Variants in FSTL4 observed in about 807,000 individuals in gnomAD.
FSTL4 encodes follistatin like 4.
A neutral mutation model predicts 78.2 loss-of-function variants in FSTL4; 28 were observed. The observed-to-expected ratio is 0.36, with a 90% CI of 0.27 to 0.49. The LOEUF (loss-of-function observed/expected upper bound fraction) is 0.49, where lower values mean the gene tolerates loss of function less well. FSTL4 is among the 20% of genes least tolerant of loss of function. FSTL4 has a pLI of 0.98. For synonymous variants in FSTL4, 422 were observed against 440.5 expected, an observed-to-expected ratio of 0.96 and a Z score of 0.53; for missense variants, 922 against 1,084.9, an observed-to-expected ratio of 0.85 and a Z score of 2.11.
chr5:133,232,828 G>C (rs993142411), intron 8 of FSTL4, among the ~76,000 whole-genome samples: 2 of 152,228 alleles, frequency 1.3e-5, no homozygotes, highest in African/African-American at 4.8e-5. Flanking sequence ...ACTGTCATCA[G>C]GAGGCAGTGA....
the FSTL4 span, among the ~76,000 whole-genome samples, chr5:133,659,433 T>G: frequency 1.6e-4 from 25 of 152,188 alleles, no homozygotes; most frequent in African/African-American, 5.8e-4. Flanking sequence ...TTCTGGTATA[T>G]CTTTTCCTAT....
intron 3 of FSTL4, among the ~76,000 whole-genome samples, chr5:133,432,189 G>C (rs1756954326): frequency 6.6e-6 from 1 of 152,212 alleles, no homozygotes; most frequent in Admixed American, 6.5e-5. Flanking sequence ...CAGAGGCTCA[G>C]AGAGGTTGTG....
intron 4 of FSTL4, among the ~76,000 whole-genome samples, chr5:133,324,309 C>A (rs987649023): frequency 7.2e-5 from 11 of 152,178 alleles, no homozygotes; most frequent in African/African-American, 2.7e-4. Context: ...CACAGGCTGT[C>A]GGGAGCTCAG....
intron 4 of FSTL4, among the ~76,000 whole-genome samples, chr5:133,348,280 A>G (rs1754743750): frequency 1.3e-5 from 2 of 152,268 alleles, no homozygotes; most frequent in South Asian, 4.1e-4. Flanking sequence ...TTTTCATAGC[A>G]AAGAATAAAG....
intron 3 of FSTL4, among the ~76,000 whole-genome samples, chr5:133,489,161 G>A (rs969053007): frequency 6.6e-6 from 1 of 152,192 alleles, no homozygotes; most frequent in Non-Finnish European, 1.5e-5. Context: ...CTGGACCTCT[G>A]AAGTGATAGG....
At chr5:133,497,060 A>AT in intron 3 of FSTL4, among the ~76,000 whole-genome samples, 1 of 152,286 alleles carries the variant, frequency 6.6e-6, no homozygotes, top group East Asian at 1.9e-4. Context: ...GTGCCGTGCT[A>AT]TAAACATACT....
At chr5:133,796,488 G>A in the FSTL4 span, among the ~76,000 whole-genome samples, 1 of 152,184 alleles carries the variant, frequency 6.6e-6, no homozygotes, top group Non-Finnish European at 1.5e-5. Context: ...ATTGAGTGGT[G>A]GAGGTGGCTC....
At chr5:133,465,724 G>T (rs1031579063) in intron 3 of FSTL4, among the ~76,000 whole-genome samples, 5 of 152,248 alleles carry the variant, frequency 3.3e-5, no homozygotes, top group African/African-American at 7.2e-5. Context: ...GCTGCAGGTG[G>T]GCCTGGGTGA....
intron 6 of FSTL4, among the ~76,000 whole-genome samples, chr5:133,287,421 A>G (rs895337614): frequency 1.3e-5 from 2 of 151,618 alleles, no homozygotes; most frequent in South Asian, 2.1e-4. Context: ...GTAGGTGACT[A>G]TTCTACCGAG....
the FSTL4 span, among the ~76,000 whole-genome samples, chr5:133,819,413 A>T: frequency 2.6e-5 from 4 of 152,156 alleles, no homozygotes; most frequent in Admixed American, 2.0e-4. Flanking sequence ...TCAGTGGCTG[A>T]GAAGCATGGA....
chr5:133,791,670 T>C, the FSTL4 span, among the ~76,000 whole-genome samples: 1 of 152,212 alleles, frequency 6.6e-6, no homozygotes, highest in Non-Finnish European at 1.5e-5. Context: ...ACTGCCCTCG[T>C]CTGTCTACAC....
intron 4 of FSTL4, among the ~76,000 whole-genome samples, chr5:133,348,160 T>C (rs887063476): frequency 1.3e-5 from 2 of 152,248 alleles, no homozygotes; most frequent in Non-Finnish European, 2.9e-5. Context: ...TATCAAACTC[T>C]TGGCTCTTGA....
the FSTL4 span, among the ~76,000 whole-genome samples, chr5:133,764,962 C>T: frequency 1.1e-4 from 16 of 152,344 alleles, no homozygotes; most frequent in African/African-American, 3.1e-4. Flanking sequence ...TCCTCACATA[C>T]GTGGGGTAAC....
chr5:133,382,444 C>CCCT (rs928034049), intron 4 of FSTL4, among the ~76,000 whole-genome samples: 3 of 152,080 alleles, frequency 2.0e-5, no homozygotes, highest in Non-Finnish European at 2.9e-5. Context: ...TCTCATCATT[C>CCCT]CCTCCTCCTC....
At chr5:133,722,088 C>T in the FSTL4 span, among the ~76,000 whole-genome samples, 1 of 152,022 alleles carries the variant, frequency 6.6e-6, no homozygotes, top group Non-Finnish European at 1.5e-5. Context: ...TCCCCAACCC[C>T]TGGGCCACAG....
chr5:133,818,232 C>A, the FSTL4 span, among the ~76,000 whole-genome samples: 1 of 152,180 alleles, frequency 6.6e-6, no homozygotes, highest in African/African-American at 2.4e-5. Context: ...AACAATGGGC[C>A]GTGGATTAAC....
the FSTL4 span, among the ~76,000 whole-genome samples, chr5:133,653,465 G>T: frequency 6.6e-6 from 1 of 152,130 alleles, no homozygotes; most frequent in African/African-American, 2.4e-5. Flanking sequence ...CCTCGGGACT[G>T]CATCCCTCCC....
chr5:133,638,845 G>A, the FSTL4 span, among the ~76,000 whole-genome samples: 23 of 151,210 alleles, frequency 1.5e-4, no homozygotes, highest in Non-Finnish European at 2.9e-4. Flanking sequence ...AGTATATCGT[G>A]AACACTTTCT....
intron 3 of FSTL4, among the ~76,000 whole-genome samples, chr5:133,466,114 C>T (rs1463977809): frequency 6.6e-6 from 1 of 152,236 alleles, no homozygotes; most frequent in Non-Finnish European, 1.5e-5. Context: ...AAGTTTCTCA[C>T]CACATCCTGC....
Sources: allele counts gnomAD v4.1 joint callset (sites outside exome capture counted in the v4.1 genomes callset), GRCh38; gene constraint gnomAD v4.1.1; transcripts MANE v1.5; gene names NCBI Gene and HGNC (gene_info 2026-07-23, HGNC 2026-07-21).